The following ABHD17B variants were observed in gnomAD, a reference collection of about 807,000 sequenced individuals.
ABHD17B encodes alpha/beta hydrolase domain-containing protein 17B.
Under a neutral mutation model 26.2 loss-of-function variants are expected in ABHD17B, and 9 were observed. That is an observed-to-expected ratio of 0.34 (90% confidence interval 0.21 to 0.60). The LOEUF (loss-of-function observed/expected upper bound fraction) is 0.60, where lower values mean the gene tolerates loss of function less well. Ranked by LOEUF, ABHD17B falls within the 20% of genes least tolerant of loss-of-function variation. ABHD17B has a pLI of 0.80. For synonymous variants in ABHD17B, 127 were observed against 122.3 expected (o/e 1.04, Z -0.25); for missense variants, 224 against 352.1 (o/e 0.64, Z 2.91).
intron 1 of ABHD17B, among the ~76,000 whole-genome samples, chr9:71,905,139 T>C (rs1827247678): frequency 1.3e-5 from 2 of 152,088 alleles, no homozygotes; most frequent in South Asian, 4.1e-4. Context: ...GTTTTTTTTT[T>C]TGAGACGGAG....
chr9:71,884,755 T>C (rs1027868042), intron 1 of ABHD17B, among the ~76,000 whole-genome samples: 3 of 151,832 alleles, frequency 2.0e-5, no homozygotes, highest in Non-Finnish European at 4.4e-5. Flanking sequence ...ATCTGCTTGC[T>C]TACAACTGGA....
intron 1 of ABHD17B, among the ~76,000 whole-genome samples, chr9:71,907,414 G>A (rs1357561839): frequency 2.0e-5 from 3 of 152,170 alleles, no homozygotes; most frequent in Non-Finnish European, 4.4e-5. Flanking sequence ...CGTGGATATA[G>A]GAAGGATGCA....
Position 71,890,107 on chromosome 9 carries a change from AAAATAAATAAAT to A in ABHD17B, c.-3-15036_-3-15025del, listed in dbSNP as rs10529849. On this transcript the variant is annotated intron_variant, in intron 1 of 3. Coordinates refer to ENST00000333421, the MANE Select transcript of ABHD17B (RefSeq NM_001025780.3). ...TGAGACCCTGTTTCTACTAAAAATA[AAAATAAATAAAT>A]AAATAAATAAATAAATAAATATTAG... 7.2e-4 allele frequency among the ~76,000 whole-genome samples: 108 copies of A among 150,924 alleles called. 2 individuals carry two copies. The highest frequency in any genetic ancestry group is 5.4e-4 in the African/African-American group (22 of 40,932).
chr9:71,903,567 G>T (rs1266176395), intron 1 of ABHD17B, among the ~76,000 whole-genome samples: 1 of 152,084 alleles, frequency 6.6e-6, no homozygotes, highest in Non-Finnish European at 1.5e-5. Context: ...TAATTAATGG[G>T]CTAATACCTG....
rs1825950930 is a variant in ABHD17B, at chr9:71,866,157, T to C, written c.*630A>G. The C allele has an allele frequency of 8.1e-6, 8 of 984,746 alleles. No homozygotes were observed. The highest frequency in any genetic ancestry group is 6.1e-5 in the Admixed American group (1 of 16,272). The allele number at this position is 984,746 out of a possible 1,614,324, so 61.0% of individuals were successfully genotyped here. On this transcript the variant is annotated 3_prime_UTR_variant, in exon 4 of 4. Transcript: ENST00000333421. Reference sequence around the variant, plus strand: ...CATGACTTCTCATTTACAAGGTAACTCATTGGTAAATTAATAGATGGCATA... The same window carrying C: ...CATGACTTCTCATTTACAAGGTAACCCATTGGTAAATTAATAGATGGCATA...
intron 1 of ABHD17B, among the ~76,000 whole-genome samples, chr9:71,909,871 C>CT (rs56686104): frequency 0.014 from 1,993 of 145,954 alleles, 36 homozygotes; most frequent in African/African-American, 0.044. Context: ...AAGATCTGAA[C>CT]TTTTTTTTTT....
chr9:71,863,266 A>G (rs7871548), downstream of ABHD17B, among the ~76,000 whole-genome samples: 142,443 of 152,250 alleles, frequency 0.94, 67,293 homozygotes, highest in East Asian at 1. Context: ...CTAAAAACTG[A>G]TATGAGCCAT....
At position 71,910,344 on chromosome 9, in the gene ABHD17B, T is replaced by C. The variant is rs370005063; in HGVS notation, c.-4+290A>G. Among the ~76,000 whole-genome samples, 333 of 151,980 alleles carry C rather than the reference T, an allele frequency of 2.2e-3. 1 individual carries two copies. The highest frequency in any genetic ancestry group is 7.7e-3 in the African/African-American group (321 of 41,446). On this transcript the variant is annotated intron_variant, in intron 1 of 3. Transcript: ENST00000333421. The stretch of plus-strand genomic sequence containing the variant: ...ACCTTCTTAGAGTGTCGGTCGGTCC[T>C]CCCTCCCCCACCCCCTGACTCCGGC...
rs752668193 is a variant in ABHD17B, at chr9:71,884,634, G to GA, written c.-3-9552dup. ...GGGTAATGGGGATGGAGGTTGAAGG[G>GA]AAAAAAAAAAAAAAGGAAATTAAGT... On this transcript the variant is annotated intron_variant, in intron 1 of 3. Transcript: ENST00000333421. Among the ~76,000 whole-genome samples the GA allele has an allele frequency of 5.2e-3, 678 of 131,444 alleles. 4 individuals carry two copies. The highest frequency in any genetic ancestry group is 0.041 in the East Asian group (189 of 4,642). 86.2% of individuals were successfully genotyped at this position (131,444 alleles called of 152,430 possible).
chr9:71,908,564 C>T (rs1036851867), intron 1 of ABHD17B, among the ~76,000 whole-genome samples: 2 of 152,114 alleles, frequency 1.3e-5, no homozygotes, highest in Non-Finnish European at 2.9e-5. Context: ...GAAGTAAAAT[C>T]TACCAGTAAA....
chr9:71,864,695 T>A (rs1825907215), downstream of ABHD17B, among the ~76,000 whole-genome samples: 2 of 151,936 alleles, frequency 1.3e-5, no homozygotes, highest in African/African-American at 2.4e-5. Context: ...CTCCCTATGT[T>A]CCCCTCCCAA....
chr9:71,884,478 T>C (rs1241497956), intron 1 of ABHD17B, among the ~76,000 whole-genome samples: 1 of 151,980 alleles, frequency 6.6e-6, no homozygotes, highest in Non-Finnish European at 1.5e-5. Context: ...TATAATGGTA[T>C]TGGGTGAAAA....
At chr9:71,910,336 G>A (rs1216889527) in intron 1 of ABHD17B, among the ~76,000 whole-genome samples, 3 of 152,146 alleles carry the variant, frequency 2.0e-5, no homozygotes, top group Non-Finnish European at 4.4e-5. Context: ...TAGAGTGTCG[G>A]TCGGTCCTCC....
At chr9:71,876,072 T>C (rs1826267388) in intron 1 of ABHD17B, among the ~76,000 whole-genome samples, 1 of 152,210 alleles carries the variant, frequency 6.6e-6, no homozygotes, top group Non-Finnish European at 1.5e-5. Context: ...CATTAAAGTG[T>C]ATGTATGTAT....
rs775285888 is a variant in ABHD17B, at chr9:71,866,182, A to C, written c.*605T>G. On this transcript the variant is annotated 3_prime_UTR_variant, in exon 4 of 4. Coordinates refer to ENST00000333421, the MANE Select transcript of ABHD17B (RefSeq NM_001025780.3). ...TCATTGGTAAATTAATAGATGGCAT[A>C]AAAATTAAGATTTACATCTTTTTTA... The C allele has an allele frequency of 2.0e-6, 2 of 982,800 alleles. No homozygotes were observed. Among genetic ancestry groups the C allele is most frequent in the African/African-American group, 1.7e-5 (1 of 57,178 alleles). The allele number at this position is 982,800 out of a possible 1,614,324, so 60.9% of individuals were successfully genotyped here.
rs142897446 is a variant in ABHD17B at position 71,900,143 on chromosome 9, T to C, written c.-4+10491A>G. 8.3e-3 allele frequency among the ~76,000 whole-genome samples: 1,270 copies of C among 152,344 alleles called. 18 individuals carry two copies. Among genetic ancestry groups the C allele is most frequent in the African/African-American group, 0.028 (1,179 of 41,578 alleles). On this transcript the variant is annotated intron_variant, in intron 1 of 3. Transcript: ENST00000333421. ...ATTAAGATTGCCTTTTCTATCCTTT[T>C]TGTACTAGTTTCTCACTATGAGGAA...
intron 1 of ABHD17B, among the ~76,000 whole-genome samples, chr9:71,910,304 CGAG>C (rs138728878): frequency 0.011 from 1,673 of 152,256 alleles, 19 homozygotes; most frequent in South Asian, 0.022. Flanking sequence ...TTCTCTTCAC[CGAG>C]GAGGACCAAA....
chr9:71,894,087 C>CAAAAAAAAAAAAAAAAAAAAAAAAAAAAA (rs1180729763), intron 1 of ABHD17B, among the ~76,000 whole-genome samples: 1 of 52,306 alleles, frequency 1.9e-5, no homozygotes, highest in African/African-American at 8.6e-5. Context: ...GACTCTATCT[C>CAAAAAAAAAAAAAAAAAAAAAAAAAAAAA]AAAAAAAAAA....
At chr9:71,862,629 C>T (rs1253499079), downstream of ABHD17B, 1 of 995,758 alleles carries the variant, frequency 1.0e-6, no homozygotes, top group Non-Finnish European at 1.6e-6. Context: ...AGGGATTAGG[C>T]TATATCATCT....
Sources: gnomAD v4.1 joint callset for allele counts (sites outside exome capture counted in the v4.1 genomes callset) on GRCh38, gnomAD v4.1.1 for gene constraint, MANE v1.5 for transcripts, NCBI Gene and HGNC (gene_info 2026-07-23, HGNC 2026-07-21) for gene names.